Variants in UNC13B observed in about 807,000 individuals in gnomAD.
The protein encoded by UNC13B is protein unc-13 homolog B.
UNC13B carries 144 observed loss-of-function variants against 211.0 expected under a neutral mutation model. The observed-to-expected ratio is 0.68, with a 90% CI of 0.60 to 0.78. The LOEUF is 0.78. Ranked by LOEUF, UNC13B falls within the 30% of genes least tolerant of loss-of-function variation. UNC13B has a pLI of 0.00. For missense variants in UNC13B, 1,777 were observed against 2,002.0 expected (o/e 0.89, Z 2.14); for synonymous variants, 709 against 725.8 (o/e 0.98, Z 0.37).
At chr9:35,347,789 C>CG (rs1392771481) in intron 11 of UNC13B, among the ~76,000 whole-genome samples, 5 of 152,214 alleles carry the variant, frequency 3.3e-5, no homozygotes, top group Non-Finnish European at 7.3e-5. Flanking sequence ...CATGGGGAAC[C>CG]AGGCAGCTCT....
chr9:35,213,193 T>G (rs191913349), intron 1 of UNC13B, among the ~76,000 whole-genome samples: 1 of 152,296 alleles, frequency 6.6e-6, no homozygotes, highest in East Asian at 1.9e-4. Flanking sequence ...CAGCTCCCAA[T>G]GTGATGGTAT....
At position 35,190,999 on chromosome 9, in the gene UNC13B, G is replaced by A. The variant is rs184237683; in HGVS notation, c.22+28694G>A. 2.2e-4 allele frequency among the ~76,000 whole-genome samples: 33 copies of A among 151,958 alleles called. No homozygotes were observed. The East Asian group carries it at 5.6e-3, about 26-fold the overall frequency. ...TTTTGAGACAGAGTCTCGCTCTGTC[G>A]CCCAGGCTGGAGTGCAGTGGCGCCA... On this transcript the variant is annotated intron_variant, in intron 1 of 39. Transcript: ENST00000635942.
chr9:35,385,471 A>T (rs763063924), intron 22 of UNC13B: 6 of 985,432 alleles, frequency 6.1e-6, no homozygotes, highest in Non-Finnish European at 7.2e-6. Flanking sequence ...TATACATTGC[A>T]TGGGAAGTAG....
rs111413908 is a variant in UNC13B, at chr9:35,303,435, A to G, written c.4031A>G (p.Tyr1344Cys). The G allele has an allele frequency of 4.5e-3, 1,786 of 398,802 alleles. 3 individuals carry two copies. Among genetic ancestry groups the G allele is most frequent in the Non-Finnish European group, 6.5e-3 (1,469 of 225,842 alleles). 24.7% of individuals were successfully genotyped at this position (398,802 alleles called of 1,614,324 possible). Residue 1344 changes from tyrosine to cysteine, a missense_variant, in exon 9 of 40, where the codon TAT (tyrosine) becomes TGT (cysteine). Physicochemically the swap from Tyr to Cys is radical, Grantham distance 194. Transcript: ENST00000635942. Reference sequence around the variant, plus strand: ...AACATTCTCAATAAATCAAACAACTATCAGGCTTTTGAAGAGATGAACAGT... The same window carrying G: ...AACATTCTCAATAAATCAAACAACTGTCAGGCTTTTGAAGAGATGAACAGT... ...NTNILNKSNN[Y>C]QAFEEMNSPF...
chr9:35,270,936 C>T (rs191945610), intron 7 of UNC13B, among the ~76,000 whole-genome samples: 58 of 152,174 alleles, frequency 3.8e-4, no homozygotes, highest in East Asian at 1.9e-3. Flanking sequence ...GTCAGGAGAT[C>T]GAGACCATCC....
intron 1 of UNC13B, among the ~76,000 whole-genome samples, chr9:35,213,116 A>C (rs1194866582): frequency 3.9e-5 from 6 of 152,226 alleles, no homozygotes; most frequent in African/African-American, 1.4e-4. Context: ...GGTATGTATA[A>C]ATTCACTTCT....
At position 35,181,485 on chromosome 9, in the gene UNC13B, C is replaced by T. The variant is rs369116744; in HGVS notation, c.22+19180C>T. Among the ~76,000 whole-genome samples the T allele has an allele frequency of 1.8e-4, 27 of 152,218 alleles. 2 individuals carry two copies. In the South Asian group the frequency reaches 2.5e-3, roughly 14 times the overall value. ...AATGGAGATAATATTAGTACCTATA[C>T]GGTACTAATTATAGGCATGAGCCAC... On this transcript the variant is annotated intron_variant, in intron 1 of 39. Coordinates refer to ENST00000635942, the MANE Select transcript of UNC13B (RefSeq NM_001371189.2).
In UNC13B at chr9:35,403,780, A is replaced by T; in HGVS notation, c.12770A>T (p.Tyr4257Phe). 3.1e-6 allele frequency: 5 copies of T among 1,614,008 alleles called. No homozygotes were observed. The highest frequency in any genetic ancestry group is 3.4e-6 in the Non-Finnish European group (4 of 1,179,986). Reference protein sequence around the residue: ...LLGNEEGPESYELQICVKDYC... With the variant: ...LLGNEEGPESFELQICVKDYC... ...GGAAATGAGGAGGGGCCCGAGTCCTATGAGTTGCAGATATGCGTGAAGGAT... is the reference window on the plus strand; with the variant it reads ...GGAAATGAGGAGGGGCCCGAGTCCTTTGAGTTGCAGATATGCGTGAAGGAT... Residue 4257 changes from tyrosine (Y) to phenylalanine (F), a missense_variant, in exon 40 of 40, where the codon TAT (tyrosine) becomes TTT (phenylalanine). Coordinates refer to ENST00000635942, the MANE Select transcript of UNC13B (RefSeq NM_001371189.2).
At chr9:35,245,867 G>A (rs2131568091) in intron 6 of UNC13B, among the ~76,000 whole-genome samples, 1 of 152,294 alleles carries the variant, frequency 6.6e-6, no homozygotes, top group Non-Finnish European at 1.5e-5. Context: ...TCTATACCCA[G>A]TAATGGGATG....
At chr9:35,375,277 A>G in intron 14 of UNC13B, 76 bp downstream of exon 14, 1 of 1,500,420 alleles carries the variant, frequency 6.7e-7, no homozygotes. Context: ...GCTATTAATA[A>G]TTGGGAATTC....
chr9:35,246,207 T>C (rs1464972373), intron 6 of UNC13B, among the ~76,000 whole-genome samples: 1 of 152,180 alleles, frequency 6.6e-6, no homozygotes, highest in Non-Finnish European at 1.5e-5. Flanking sequence ...TGTTTTTTTT[T>C]TCTTGTAAAT....
At chr9:35,220,831 C>G (rs1264284899) in intron 1 of UNC13B, among the ~76,000 whole-genome samples, 1 of 152,106 alleles carries the variant, frequency 6.6e-6, no homozygotes, top group East Asian at 1.9e-4. Context: ...TGAGAAACCT[C>G]CAAACTGTTC....
At chr9:35,214,609 CTGAG>C (rs369639223) in intron 1 of UNC13B, among the ~76,000 whole-genome samples, 7 of 152,056 alleles carry the variant, frequency 4.6e-5, no homozygotes, top group African/African-American at 1.7e-4. Flanking sequence ...AAGAGAGAGG[CTGAG>C]TGACATTGCA....
chr9:35,397,765 C>T (rs1835984788), intron 30 of UNC13B, 53 bp downstream of exon 30: 3 of 1,589,504 alleles, frequency 1.9e-6, no homozygotes, highest in Non-Finnish European at 2.6e-6. Context: ...ACATTTGAAT[C>T]CTTGCTTTTG....
At chr9:35,231,561 A>T (rs1375243644) in intron 3 of UNC13B, among the ~76,000 whole-genome samples, 1 of 152,184 alleles carries the variant, frequency 6.6e-6, no homozygotes, top group Non-Finnish European at 1.5e-5. Flanking sequence ...TTAGCATGAC[A>T]TTAAACATAA....
In UNC13B at chr9:35,396,949, GC is replaced by G; in HGVS notation, c.11532+13del. Reference sequence around the variant, plus strand: ...ATAAGAAGGATGGAGTAAGTCAGGGGCTTTGGCTGCACCGGGTTCAGGCCAG... The same window carrying G: ...ATAAGAAGGATGGAGTAAGTCAGGGGTTTGGCTGCACCGGGTTCAGGCCAG... On this transcript the variant is annotated intron_variant, in intron 28 of 39. Transcript: ENST00000635942. 1 of 1,614,026 alleles carries G rather than the reference GC, an allele frequency of 6.2e-7. No individual in the cohort carries two copies. Among genetic ancestry groups the G allele is most frequent in the East Asian group, 2.2e-5 (1 of 44,880 alleles).
At chr9:35,389,148 C>T (rs73645463) in intron 24 of UNC13B, among the ~76,000 whole-genome samples, 30 of 152,268 alleles carry the variant, frequency 2.0e-4, no homozygotes, top group African/African-American at 7.0e-4. Context: ...TTCCACCCTC[C>T]CTGTGGTGAC....
intron 26 of UNC13B, among the ~76,000 whole-genome samples, chr9:35,395,927 G>A (rs1395435429): frequency 1.3e-5 from 2 of 152,218 alleles, no homozygotes; most frequent in East Asian, 3.9e-4. Flanking sequence ...CCTTCAGTTT[G>A]CCTCAAGATT....
intron 1 of UNC13B, among the ~76,000 whole-genome samples, chr9:35,218,770 A>G (rs1349545510): frequency 6.8e-6 from 1 of 148,098 alleles, no homozygotes; most frequent in Non-Finnish European, 1.5e-5. Context: ...TCTTTTTGAG[A>G]TGGAGTTTCG....
Sources: gnomAD v4.1 joint callset for allele counts (sites outside exome capture counted in the v4.1 genomes callset) on GRCh38, gnomAD v4.1.1 for gene constraint, MANE v1.5 for transcripts, NCBI Gene and HGNC (gene_info 2026-07-23, HGNC 2026-07-21) for gene names.